Variants in RAD54B observed in about 807,000 individuals in gnomAD.
RAD54B encodes the protein DNA repair and recombination protein RAD54B.
Under a neutral mutation model 95.8 loss-of-function variants are expected in RAD54B, and 78 were observed. The ratio of observed to expected loss-of-function variants is 0.81; its 90% confidence interval spans 0.68 to 0.98. RAD54B has a LOEUF of 0.98. RAD54B is among the 50% of genes least tolerant of loss of function. RAD54B has a pLI of 0.00. For missense variants in RAD54B, 957 were observed against 1,056.6 expected, an observed-to-expected ratio of 0.91 and a Z score of 1.31; for synonymous variants, 328 against 354.9, an observed-to-expected ratio of 0.92 and a Z score of 0.85.
chr8:94,418,212 C>CT (rs997606286), intron 3 of RAD54B, among the ~76,000 whole-genome samples: 6 of 151,256 alleles, frequency 4.0e-5, no homozygotes, highest in Admixed American at 6.6e-5. Context: ...TATTACTGGA[C>CT]TTTTTTTTTA....
chr8:94,464,332 C>T (rs1192163597), intron 2 of RAD54B, among the ~76,000 whole-genome samples: 1 of 152,098 alleles, frequency 6.6e-6, no homozygotes, highest in African/African-American at 2.4e-5. Flanking sequence ...AAGAAGGGGA[C>T]CATGAGCCAA....
At chr8:94,383,476 C>T (rs1361957794) in intron 11 of RAD54B, among the ~76,000 whole-genome samples, 1 of 152,084 alleles carries the variant, frequency 6.6e-6, no homozygotes, top group Non-Finnish European at 1.5e-5. Context: ...CGGTCAACCT[C>T]GGTTCAAAAA....
chr8:94,428,449 G>T, intron 3 of RAD54B: 1 of 408,646 alleles, frequency 2.4e-6, no homozygotes, highest in Non-Finnish European at 3.3e-6. Flanking sequence ...TAAAATGTTT[G>T]TATTCACATA....
At chr8:94,442,519 G>A (rs1429984864) in intron 3 of RAD54B, among the ~76,000 whole-genome samples, 4 of 149,996 alleles carry the variant, frequency 2.7e-5, no homozygotes, top group Non-Finnish European at 4.4e-5. Flanking sequence ...AGCTTGCAGT[G>A]AGCCGAGATC....
intron 11 of RAD54B, among the ~76,000 whole-genome samples, chr8:94,382,129 A>AG (rs1554602748): frequency 5.9e-5 from 9 of 151,546 alleles, no homozygotes; most frequent in Admixed American, 2.6e-4. Context: ...AAAAAAAAAA[A>AG]AGAGAGCGAG....
chr8:94,400,402 A>G lies in RAD54B; in HGVS notation c.1006T>C (p.Cys336Arg), dbSNP rs1811243141. 1.2e-6 allele frequency: 2 copies of G among 1,613,742 alleles called. No individual in the cohort carries two copies. The highest frequency in any genetic ancestry group is 1.7e-6 in the Non-Finnish European group (2 of 1,179,868). Residue 336 changes from cysteine to arginine, a missense_variant, in exon 7 of 15, where the codon TGT becomes CGT. By Grantham distance (180) the Cys-to-Arg change is radical. Transcript: ENST00000336148. ...DEMGLGKTLQ[C>R]ISLIWTLQCQ... The stretch of plus-strand genomic sequence containing the variant: ...TGCAGGGTCCAGATGAGCGAAATAC[A>G]TTGCAATGTCTTCCCTAAACCCATT...
chr8:94,390,973 C>G (rs1295230890), intron 10 of RAD54B, among the ~76,000 whole-genome samples: 3 of 152,092 alleles, frequency 2.0e-5, no homozygotes, highest in Non-Finnish European at 4.4e-5. Flanking sequence ...GCAAAGATGT[C>G]AGGTATGGAA....
chr8:94,421,579 C>G (rs573658051), intron 3 of RAD54B, among the ~76,000 whole-genome samples: 3 of 152,310 alleles, frequency 2.0e-5, no homozygotes, highest in African/African-American at 7.2e-5. Flanking sequence ...ACATCTCAAA[C>G]TCATCATGTC....
intron 3 of RAD54B, chr8:94,436,393 G>A (rs530075641): frequency 1.9e-5 from 26 of 1,345,670 alleles, no homozygotes; most frequent in South Asian, 1.5e-4. Flanking sequence ...CATTGCTCCC[G>A]TTGTGGGGAT....
intron 2 of RAD54B, among the ~76,000 whole-genome samples, chr8:94,461,354 T>C (rs916429745): frequency 6.6e-6 from 1 of 151,250 alleles, no homozygotes; most frequent in African/African-American, 2.4e-5. Flanking sequence ...GTATTTTTAG[T>C]AGAGACGGGG....
chr8:94,474,531 A>G (rs1301069963), intron 1 of RAD54B, among the ~76,000 whole-genome samples: 1 of 152,202 alleles, frequency 6.6e-6, no homozygotes, highest in Non-Finnish European at 1.5e-5. Context: ...GTAATCGATT[A>G]AAAGGTTTTA....
chr8:94,471,848 CTTGA>C (rs903990143), intron 1 of RAD54B, among the ~76,000 whole-genome samples: 21 of 151,290 alleles, frequency 1.4e-4, no homozygotes, highest in African/African-American at 4.4e-4. Context: ...AAGATATACT[CTTGA>C]TTGTTAGTCC....
At chr8:94,469,457 T>C (rs951552114) in intron 1 of RAD54B, among the ~76,000 whole-genome samples, 1 of 152,246 alleles carries the variant, frequency 6.6e-6, no homozygotes, top group East Asian at 1.9e-4. Context: ...AATAAACCTC[T>C]TTCCTAATAA....
chr8:94,438,337 C>T (rs753582125), intron 3 of RAD54B, among the ~76,000 whole-genome samples: 8 of 152,154 alleles, frequency 5.3e-5, no homozygotes, highest in Admixed American at 6.5e-5. Flanking sequence ...GTCTGGTATA[C>T]GCTACTGAGT....
Position 94,407,686 on chromosome 8 carries a change from A to C in RAD54B, c.534T>G (p.Ile178Met). 2 of 1,613,532 alleles carry C rather than the reference A, an allele frequency of 1.2e-6. No individual in the cohort carries two copies. Among genetic ancestry groups the C allele is most frequent in the Non-Finnish European group, 1.7e-6 (2 of 1,179,682 alleles). ...IGYKFKELEK[I>M]EEGQTLMICG... is the part of the protein sequence containing the mutation. ...AAATCATCAGTGTTTGGCCCTCTTCAATCTTTTCAAGCTCTTTGAATTTAT... is the reference window on the plus strand; with the variant it reads ...AAATCATCAGTGTTTGGCCCTCTTCCATCTTTTCAAGCTCTTTGAATTTAT... Residue 178 changes from isoleucine to methionine, a missense_variant, in exon 5 of 15, where the codon ATT becomes ATG. Ile to Met is a conservative substitution (Grantham distance 10). Coordinates refer to ENST00000336148, the MANE Select transcript of RAD54B (RefSeq NM_012415.3).
At chr8:94,415,426 C>T in intron 3 of RAD54B, among the ~76,000 whole-genome samples, 1 of 150,934 alleles carries the variant, frequency 6.6e-6, no homozygotes, top group Non-Finnish European at 1.5e-5. Context: ...AGAAGAAAAC[C>T]TAGGCATTAC....
chr8:94,427,920 G>A, intron 3 of RAD54B: 9 of 912,434 alleles, frequency 9.9e-6, no homozygotes, highest in Non-Finnish European at 1.2e-5. Context: ...GAACAGGGTA[G>A]AATGACTCCT....
intron 2 of RAD54B, among the ~76,000 whole-genome samples, chr8:94,463,535 T>C (rs1407511692): frequency 1.3e-5 from 2 of 152,006 alleles, no homozygotes; most frequent in Non-Finnish European, 1.5e-5. Flanking sequence ...AGGTTAAACA[T>C]AGAATTATCA....
chr8:94,420,663 T>A (rs537019370), intron 3 of RAD54B, among the ~76,000 whole-genome samples: 2 of 149,408 alleles, frequency 1.3e-5, no homozygotes, highest in South Asian at 4.3e-4. Flanking sequence ...GAAACATGTA[T>A]TGCAGGAAGA....
Sources: allele counts gnomAD v4.1 joint callset (sites outside exome capture counted in the v4.1 genomes callset), GRCh38; gene constraint gnomAD v4.1.1; transcripts MANE v1.5; gene names NCBI Gene and HGNC (gene_info 2026-07-23, HGNC 2026-07-21).